PRKCQ: variants seen among roughly 807,000 people sequenced by gnomAD.
The protein encoded by PRKCQ is protein kinase C theta type.
A neutral mutation model predicts 91.2 loss-of-function variants in PRKCQ; 41 were observed. That is an observed-to-expected ratio of 0.45 (90% confidence interval 0.35 to 0.58). The LOEUF (loss-of-function observed/expected upper bound fraction) is 0.58. PRKCQ is among the 20% of genes least tolerant of loss of function. The pLI is 0.00. For synonymous variants in PRKCQ, 307 were observed against 316.9 expected, an observed-to-expected ratio of 0.97 and a Z score of 0.33; for missense variants, 673 against 896.5, an observed-to-expected ratio of 0.75 and a Z score of 3.18.
At chr10:6,578,888 G>C (rs1198796807) in intron 1 of PRKCQ, among the ~76,000 whole-genome samples, 1 of 152,238 alleles carries the variant, frequency 6.6e-6, no homozygotes, top group East Asian at 1.9e-4. Context: ...TGATTCACAA[G>C]GTCGGGGTGT....
At chr10:6,501,547 C>T (rs539200959) in intron 4 of PRKCQ, among the ~76,000 whole-genome samples, 5 of 151,854 alleles carry the variant, frequency 3.3e-5, no homozygotes, top group Admixed American at 2.6e-4. Flanking sequence ...CTCGGCTGGG[C>T]GTGGTAGCTT....
chr10:6,542,104 G>A (rs536513239), intron 1 of PRKCQ, among the ~76,000 whole-genome samples: 2 of 152,318 alleles, frequency 1.3e-5, no homozygotes, highest in Non-Finnish European at 2.9e-5. Flanking sequence ...GCCAGTCCTT[G>A]TGTTTTCACT....
At chr10:6,494,457 C>T (rs1440988571) in intron 7 of PRKCQ, among the ~76,000 whole-genome samples, 1 of 68,696 alleles carries the variant, frequency 1.5e-5, no homozygotes, top group Non-Finnish European at 2.9e-5. Flanking sequence ...GTTTTCATGT[C>T]ATCACCTCAG....
chr10:6,460,377 A>G (rs1835254497), intron 14 of PRKCQ, among the ~76,000 whole-genome samples: 2 of 152,106 alleles, frequency 1.3e-5, no homozygotes, highest in South Asian at 4.1e-4. Flanking sequence ...GGGAAATAAA[A>G]TGCCCCGAGG....
At position 6,464,315 on chromosome 10, in the gene PRKCQ, C is replaced by A. The variant is rs189124512; in HGVS notation, c.1443G>T (p.Ala481=). 5 of 1,612,902 alleles carry A rather than the reference C, an allele frequency of 3.1e-6. No individual in the cohort carries two copies. The highest frequency in any genetic ancestry group is 4.2e-6 in the Non-Finnish European group (5 of 1,179,364). The change falls in exon 13 of 18, where the codon GCG becomes GCT. Residue 481 remains alanine (A), a splice_region_variant and synonymous_variant. Transcript: ENST00000263125. The part of the protein sequence containing the change: ...QSCHKFDLSR[A]TFYAAEIILG... Reference sequence around the variant, plus strand: ...CCAAACCCTTTAAAGCCTCTTACGTCGCTCTGGAAAGGTCGAACTTGTGGC... The same window carrying A: ...CCAAACCCTTTAAAGCCTCTTACGTAGCTCTGGAAAGGTCGAACTTGTGGC...
At chr10:6,499,990 CA>C (rs1042926000) in intron 4 of PRKCQ, among the ~76,000 whole-genome samples, 1 of 152,164 alleles carries the variant, frequency 6.6e-6, no homozygotes, top group African/African-American at 2.4e-5. Flanking sequence ...AACTTCCAGA[CA>C]AAAAGCATTT....
chr10:6,549,054 G>A (rs182476930), intron 1 of PRKCQ, among the ~76,000 whole-genome samples: 1 of 152,124 alleles, frequency 6.6e-6, no homozygotes, highest in African/African-American at 2.4e-5. Context: ...AAGCCATGTT[G>A]TGTTATTAGG....
chr10:6,534,940 A>T (rs1839524033), intron 1 of PRKCQ, among the ~76,000 whole-genome samples: 1 of 152,094 alleles, frequency 6.6e-6, no homozygotes, highest in Non-Finnish European at 1.5e-5. Context: ...ATTTTAAAAA[A>T]TAATTCTGTG....
At chr10:6,481,655 G>C (rs1311640994) in intron 11 of PRKCQ, among the ~76,000 whole-genome samples, 1 of 152,168 alleles carries the variant, frequency 6.6e-6, no homozygotes. Context: ...ATTCAGCTGT[G>C]GTGACCGCTC....
chr10:6,510,606 G>T (rs1201012740), intron 3 of PRKCQ, among the ~76,000 whole-genome samples: 2 of 152,150 alleles, frequency 1.3e-5, no homozygotes, highest in South Asian at 2.1e-4. Context: ...CATAAATCTT[G>T]ATTAAGTTTT....
chr10:6,416,530 A>AAAAGACATT, the PRKCQ span, among the ~76,000 whole-genome samples: 1 of 152,200 alleles, frequency 6.6e-6, no homozygotes, highest in Non-Finnish European at 1.5e-5. Flanking sequence ...AAGTTGCTGC[A>AAAAGACATT]AAAGACATTA....
the PRKCQ span, among the ~76,000 whole-genome samples, chr10:6,411,003 A>T: frequency 0.99 from 145,084 of 146,920 alleles, 71,654 homozygotes; most frequent in Non-Finnish European, 1. Context: ...AAAAAGGTCC[A>T]TTCCAAGATG....
intron 12 of PRKCQ, among the ~76,000 whole-genome samples, chr10:6,472,148 T>A (rs957094368): frequency 6.6e-6 from 1 of 151,816 alleles, no homozygotes; most frequent in Admixed American, 6.6e-5. Flanking sequence ...CTCTACTAAA[T>A]ATACAAAAAA....
In PRKCQ at chr10:6,442,074, A is replaced by G. The variant is rs1158091325; in HGVS notation, c.1655T>C (p.Leu552Pro). 6.2e-7 allele frequency: 1 copy of G among 1,611,418 alleles called. No individual in the cohort carries two copies. Among genetic ancestry groups the G allele is most frequent in the East Asian group, 2.2e-5 (1 of 44,786 alleles). ...TPDYIAPEIL[L>P]GQKYNHSVDW... ...CACAGAGTGGTTGTATTTCTGACCC[A>G]GCAAGATCTGCACAACCAAAAGGCA... The change falls in exon 16 of 18, where the codon CTG becomes CCG. Residue 552 changes from leucine (L) to proline (P), a missense_variant. By Grantham distance (98) the Leu-to-Pro change is moderately conservative (BLOSUM62 -3). Transcript: ENST00000263125.
At position 6,535,480 on chromosome 10, in the gene PRKCQ, C is replaced by T. The variant is rs59026492; in HGVS notation, c.-9-20336G>A. On this transcript the variant is annotated intron_variant, in intron 1 of 17. Transcript: ENST00000263125. ...CATATGTATTAATACATTTTTTTTTCAGTACCAAATGGTGCTATGAAAATG... is the reference window on the plus strand; with the variant it reads ...CATATGTATTAATACATTTTTTTTTTAGTACCAAATGGTGCTATGAAAATG... Among the ~76,000 whole-genome samples the T allele has an allele frequency of 9.0e-3, 1,370 of 151,390 alleles. 18 individuals are homozygous for T. The highest frequency in any genetic ancestry group is 0.031 in the African/African-American group (1,287 of 41,304).
intron 1 of PRKCQ, among the ~76,000 whole-genome samples, chr10:6,570,875 G>A (rs147249519): frequency 1.3e-3 from 192 of 152,158 alleles, no homozygotes; most frequent in African/African-American, 4.3e-3. Flanking sequence ...GGTTTCTTTC[G>A]TTGTGAAAGA....
chr10:6,530,569 G>A (rs948330626), intron 1 of PRKCQ, among the ~76,000 whole-genome samples: 4 of 152,196 alleles, frequency 2.6e-5, no homozygotes, highest in African/African-American at 9.7e-5. Context: ...TGCAAATAGA[G>A]GGACAGGGTG....
the PRKCQ span, among the ~76,000 whole-genome samples, chr10:6,406,007 C>T: frequency 6.6e-6 from 1 of 152,308 alleles, no homozygotes. Flanking sequence ...TCAGAGGGCC[C>T]ATCCTGGAGG....
chr10:6,520,279 G>A (rs591397), intron 1 of PRKCQ, among the ~76,000 whole-genome samples: 49,676 of 151,872 alleles, frequency 0.33, 8,525 homozygotes, highest in African/African-American at 0.42. Context: ...CGCGACGCCC[G>A]GCCCTCACCC....
Sources: gnomAD v4.1 joint callset for allele counts (sites outside exome capture counted in the v4.1 genomes callset) on GRCh38, gnomAD v4.1.1 for gene constraint, MANE v1.5 for transcripts, NCBI Gene and HGNC (gene_info 2026-07-23, HGNC 2026-07-21) for gene names.